KIF18A: variants seen among roughly 807,000 people sequenced by gnomAD.
KIF18A encodes kinesin-like protein KIF18A.
Under a neutral mutation model 103.3 loss-of-function variants are expected in KIF18A, and 67 were observed. The observed-to-expected ratio is 0.65, with a 90% CI of 0.53 to 0.79. KIF18A has a LOEUF of 0.79. Ranked by LOEUF, KIF18A falls within the 30% of genes least tolerant of loss-of-function variation. The pLI is 0.00. For synonymous variants in KIF18A, 367 were observed against 355.5 expected (o/e 1.03, Z -0.36); for missense variants, 1,032 against 1,062.5 (o/e 0.97, Z 0.40).
At chr11:28,090,448 A>T (rs1851286669) in intron 5 of KIF18A, among the ~76,000 whole-genome samples, 169 bp downstream of exon 5, 1 of 152,194 alleles carries the variant, frequency 6.6e-6, no homozygotes, top group African/African-American at 2.4e-5. Context: ...TAAGCATCTC[A>T]ATTATAAATA....
intron 1 of KIF18A, among the ~76,000 whole-genome samples, chr11:28,103,861 C>T (rs1001594353): frequency 1.3e-5 from 2 of 152,102 alleles, no homozygotes; most frequent in Non-Finnish European, 2.9e-5. Context: ...ATAATGTTCC[C>T]AATTTCTTGT....
intron 13 of KIF18A, among the ~76,000 whole-genome samples, chr11:28,038,621 C>T (rs1850522977): frequency 6.6e-6 from 1 of 151,642 alleles, no homozygotes; most frequent in Admixed American, 6.6e-5. Context: ...TTAGAAAATA[C>T]ACTTAAACAA....
chr11:28,077,428 G>C (rs559979236), intron 9 of KIF18A, among the ~76,000 whole-genome samples: 1 of 152,228 alleles, frequency 6.6e-6, no homozygotes, highest in South Asian at 2.1e-4. Flanking sequence ...GCATCATAAG[G>C]TGTCTGGTAT....
intron 1 of KIF18A, among the ~76,000 whole-genome samples, chr11:28,101,539 A>G (rs1385604529): frequency 1.3e-5 from 2 of 152,284 alleles, no homozygotes; most frequent in Middle Eastern, 3.4e-3. Context: ...TGGATAAGTT[A>G]CTTAACCTCC....
intron 13 of KIF18A, among the ~76,000 whole-genome samples, chr11:28,053,922 G>C (rs1467843496): frequency 3.5e-5 from 4 of 115,354 alleles, no homozygotes; most frequent in Non-Finnish European, 8.2e-5. Context: ...AGCTGGTGAG[G>C]CTAAAAAAAA....
intron 13 of KIF18A, among the ~76,000 whole-genome samples, chr11:28,045,371 A>T (rs2133506643): frequency 6.6e-6 from 1 of 152,022 alleles, no homozygotes; most frequent in Admixed American, 6.6e-5. Context: ...GAGGACTGTG[A>T]AACGTTTCCA....
rs1401315168 is a variant in KIF18A at position 28,097,736 on chromosome 11, T to C, written c.212A>G (p.Asp71Gly). The C allele has an allele frequency of 1.9e-6, 3 of 1,610,832 alleles. No homozygotes were observed. The African/African-American group carries it at 4.0e-5, about 22-fold the overall frequency. ...AACAGCATCAAATACAAATTTAAGA[T>C]CCTTATTTTGTTTCTTTATAACATT... The part of the protein sequence containing the change: ...NQNVIKKQNK[D>G]LKFVFDAVFD... The change falls in exon 2 of 17, where the codon GAT becomes GGT. Residue 71 changes from aspartate to glycine, a missense_variant. Physicochemically the swap from Asp to Gly is moderately conservative, Grantham distance 94 (BLOSUM62 -1). Transcript: ENST00000263181.
chr11:28,061,797 T>A (rs1303341628), intron 12 of KIF18A, among the ~76,000 whole-genome samples: 2 of 152,062 alleles, frequency 1.3e-5, no homozygotes, highest in East Asian at 3.9e-4. Context: ...GCATGGAACA[T>A]CAAAGTGATG....
chr11:28,036,482 TAC>T lies in KIF18A; in HGVS notation c.2129_2130del (p.Cys710Ter). The T allele has an allele frequency of 6.2e-7, 1 of 1,611,296 alleles. No homozygotes were observed. The highest frequency in any genetic ancestry group is 8.5e-7 in the Non-Finnish European group (1 of 1,178,206). ...LQPIVYTPED[C>X]RKAFQNPSTV... ...GTAGACGGATTTTGAAAAGCTTTTC[TAC>T]AGTCTTCTGGTGTATATACAATAGG... On this transcript the variant is annotated frameshift_variant, in exon 14 of 17. Transcript: ENST00000263181. LOFTEE classifies it high-confidence loss of function.
In KIF18A at chr11:28,058,944, C is replaced by A. The variant is rs777161628; in HGVS notation, c.1930G>T (p.Val644Phe). The A allele has an allele frequency of 1.9e-6, 3 of 1,613,748 alleles. No homozygotes were observed. In the South Asian group the frequency reaches 3.3e-5, roughly 18 times the overall value. Residue 644 changes from valine (V) to phenylalanine (F), a missense_variant, in exon 13 of 17, where the codon GTT (valine) becomes TTT (phenylalanine). Val to Phe is a conservative substitution (Grantham distance 50). Coordinates refer to ENST00000263181, the MANE Select transcript of KIF18A (RefSeq NM_031217.4). ...TACTTACAACAAGGAATAGGCTGAA[C>A]TGGTCCAAGTTGTGGAAAGGTCATA... ...VLMTFPQLGP[V>F]QPIPCCSSSG...
At chr11:28,048,501 T>C (rs1207357359) in intron 13 of KIF18A, among the ~76,000 whole-genome samples, 1 of 152,100 alleles carries the variant, frequency 6.6e-6, no homozygotes, top group African/African-American at 2.4e-5. Flanking sequence ...ACTATATATA[T>C]ATAATAGATT....
intron 12 of KIF18A, among the ~76,000 whole-genome samples, chr11:28,060,121 G>T (rs1200241397): frequency 6.6e-6 from 1 of 152,144 alleles, no homozygotes; most frequent in Non-Finnish European, 1.5e-5. Context: ...TTGTGTATCA[G>T]ACCTCTGTGT....
chr11:28,071,783 C>A lies in KIF18A; in HGVS notation c.1426-2360G>T, dbSNP rs1305682539. Among the ~76,000 whole-genome samples the A allele has an allele frequency of 9.2e-5, 14 of 152,212 alleles. No individual in the cohort carries two copies. In the East Asian group the frequency reaches 9.6e-4, roughly 10 times the overall value. On this transcript the variant is annotated intron_variant, in intron 10 of 16. Transcript: ENST00000263181. ...CAGCAGATGTAAAAATTTAGGCAAA[C>A]AGATTTTAGTGGGTCTTCAGTTACT... is the stretch of plus-strand genomic sequence containing the variant.
At chr11:28,050,470 G>C (rs1020828694) in intron 13 of KIF18A, among the ~76,000 whole-genome samples, 2 of 151,744 alleles carry the variant, frequency 1.3e-5, no homozygotes, top group African/African-American at 4.8e-5. Flanking sequence ...AAATTTCCTT[G>C]TATTCAAGTA....
intron 10 of KIF18A, among the ~76,000 whole-genome samples, chr11:28,073,753 T>C (rs1851054027): frequency 6.6e-6 from 1 of 152,204 alleles, no homozygotes; most frequent in South Asian, 2.1e-4. Context: ...TTTTTATTAT[T>C]TTTATTGCTC....
Position 28,108,123 on chromosome 11 carries a change from A to T in KIF18A, c.-106T>A, listed in dbSNP as rs1397536953. 1 of 152,422 alleles carries T rather than the reference A, an allele frequency of 6.6e-6. No homozygotes were observed. The highest frequency in any genetic ancestry group is 2.4e-5 in the African/African-American group (1 of 41,442). The allele number at this position is 152,422 out of a possible 1,614,324, so 9.4% of individuals were successfully genotyped here. A position where few individuals can be genotyped will look rare whatever the true frequency, so the allele number is the denominator to read the frequency against. ...CAGGTTACCGCAACCACTTCACTTTAATGTCCGCCTCCCAGCGCTTCAGAC... is the reference window on the plus strand; with the variant it reads ...CAGGTTACCGCAACCACTTCACTTTTATGTCCGCCTCCCAGCGCTTCAGAC... On this transcript the variant is annotated 5_prime_UTR_variant, in exon 1 of 17. Transcript: ENST00000263181.
At chr11:28,064,556 C>T (rs186309996) in intron 11 of KIF18A, among the ~76,000 whole-genome samples, 1 of 151,910 alleles carries the variant, frequency 6.6e-6, no homozygotes, top group Non-Finnish European at 1.5e-5. Context: ...ACCTATGTAA[C>T]AAACCTACAT....
chr11:28,085,520 A>C (rs1242004532), intron 6 of KIF18A, among the ~76,000 whole-genome samples: 1 of 152,166 alleles, frequency 6.6e-6, no homozygotes, highest in Admixed American at 6.5e-5. Context: ...AAGTGCACAG[A>C]AGAAAACACG....
chr11:28,022,297 C>T (rs192440673), intron 16 of KIF18A, among the ~76,000 whole-genome samples: 4,987 of 150,024 alleles, frequency 0.033, 278 homozygotes, highest in African/African-American at 0.11. Context: ...CGGAGTTTTG[C>T]TCAGTCGCCC....
Sources: allele counts gnomAD v4.1 joint callset (sites outside exome capture counted in the v4.1 genomes callset), GRCh38; gene constraint gnomAD v4.1.1; transcripts MANE v1.5; gene names NCBI Gene and HGNC (gene_info 2026-07-23, HGNC 2026-07-21).